Variants in NDUFA10 observed in about 807,000 individuals in gnomAD.
NDUFA10 encodes NADH:ubiquinone oxidoreductase subunit A10.
A neutral mutation model predicts 47.8 loss-of-function variants in NDUFA10; 40 were observed. The ratio of observed to expected loss-of-function variants is 0.84; its 90% CI spans 0.65 to 1.09. The LOEUF (loss-of-function observed/expected upper bound fraction) is 1.09, where lower values mean the gene tolerates loss of function less well. NDUFA10 is among the 50% of genes least tolerant of loss of function. The pLI, the probability that NDUFA10 is intolerant of heterozygous loss-of-function variation, is 0.00. For synonymous variants in NDUFA10, 183 were observed against 172.2 expected (o/e 1.06, Z -0.49); for missense variants, 413 against 451.1 (o/e 0.92, Z 0.76).
At chr2:239,894,064 C>T (rs1217313922) in intron 5 of NDUFA10, among the ~76,000 whole-genome samples, 1 of 144,960 alleles carries the variant, frequency 6.9e-6, no homozygotes, top group Non-Finnish European at 1.5e-5. Context: ...CAATCTCATT[C>T]CTCCCTGCCT....
chr2:240,006,605 A>T (rs1009304737), intron 7 of NDUFA10, among the ~76,000 whole-genome samples: 5 of 152,252 alleles, frequency 3.3e-5, no homozygotes, highest in African/African-American at 4.8e-5. Flanking sequence ...TGCTTAATAT[A>T]TAAAATACAA....
chr2:239,973,625 T>A (rs754467273), intron 9 of NDUFA10: 7 of 470,106 alleles, frequency 1.5e-5, no homozygotes, highest in South Asian at 1.1e-4. Context: ...CACAGTATCT[T>A]AACAGCATCT....
intron 8 of NDUFA10, among the ~76,000 whole-genome samples, chr2:239,996,508 T>C (rs1486136593): frequency 6.6e-6 from 1 of 152,206 alleles, no homozygotes; most frequent in African/African-American, 2.4e-5. Context: ...ATACAACTTA[T>C]CCACATTTGT....
At chr2:240,003,521 C>A (rs1208076551) in intron 8 of NDUFA10, among the ~76,000 whole-genome samples, 1 of 152,228 alleles carries the variant, frequency 6.6e-6, no homozygotes, top group African/African-American at 2.4e-5. Context: ...CGAGACTTAA[C>A]ACAAAAGGCA....
intron 8 of NDUFA10, among the ~76,000 whole-genome samples, chr2:240,003,748 C>A (rs1341951138): frequency 6.6e-6 from 1 of 152,136 alleles, no homozygotes; most frequent in Non-Finnish European, 1.5e-5. Flanking sequence ...GAGGCCTGTA[C>A]CAGGAACTGG....
chr2:239,985,026 T>TG (rs1325192332), intron 9 of NDUFA10, among the ~76,000 whole-genome samples: 3 of 152,216 alleles, frequency 2.0e-5, no homozygotes, highest in African/African-American at 7.2e-5. Context: ...GGACCTGCCC[T>TG]GACCTCCATG....
At chr2:240,002,411 G>C (rs1696764896) in intron 8 of NDUFA10, among the ~76,000 whole-genome samples, 1 of 151,012 alleles carries the variant, frequency 6.6e-6, no homozygotes, top group Non-Finnish European at 1.5e-5. Flanking sequence ...AGATTTGCTA[G>C]ATTCCTTTCA....
chr2:240,011,667 A>G lies in NDUFA10; in HGVS notation c.699T>C (p.Tyr233=), dbSNP rs1347851335. 2 of 1,613,678 alleles carry G rather than the reference A, an allele frequency of 1.2e-6. No homozygotes were observed. Among genetic ancestry groups the G allele is most frequent in the South Asian group, 1.1e-5 (1 of 91,060 alleles). ...TATAGGCATTCTCAATGTCCTGTAG[A>G]TAGGCAGAGGTGATCTTCATTTCAT... The part of the protein sequence containing the change: ...DPHEMKITSA[Y]LQDIENAYKK... The change falls in exon 6 of 10, where the codon TAT becomes TAC. Residue 233 remains tyrosine, a synonymous_variant. Transcript: ENST00000252711.
intron 9 of NDUFA10, among the ~76,000 whole-genome samples, chr2:239,968,679 G>A (rs1333511524): frequency 6.6e-6 from 1 of 152,212 alleles, no homozygotes; most frequent in Non-Finnish European, 1.5e-5. Flanking sequence ...AATCTGCACA[G>A]GGGACCCACT....
intron 4 of NDUFA10, among the ~76,000 whole-genome samples, chr2:239,895,913 C>T (rs1693386423): frequency 6.6e-6 from 1 of 152,198 alleles, no homozygotes; most frequent in South Asian, 2.1e-4. Context: ...GTGGCTTTTC[C>T]CGTCTTCTTT....
intron 9 of NDUFA10, among the ~76,000 whole-genome samples, chr2:239,966,321 A>G (rs1268090146): frequency 1.3e-5 from 2 of 152,214 alleles, no homozygotes; most frequent in Non-Finnish European, 2.9e-5. Context: ...TGGAGCCCAG[A>G]CATGGAGGAT....
chr2:240,000,726 T>TTA (rs1696674911), intron 8 of NDUFA10, among the ~76,000 whole-genome samples: 1 of 152,296 alleles, frequency 6.6e-6, no homozygotes, highest in South Asian at 2.1e-4. Flanking sequence ...TTTTCACCTT[T>TTA]TATACCATAT....
At position 239,895,523 on chromosome 2, in the gene NDUFA10, T is replaced by TA. The variant is rs1208886230; in HGVS notation, c.295-210dup. 5.9e-5 allele frequency among the ~76,000 whole-genome samples: 9 copies of TA among 152,218 alleles called. No individual in the cohort carries two copies. In the East Asian group the frequency reaches 1.5e-3, roughly 26 times the overall value. ...CAGGGAAAACTGCTCTTAACAGTGT[T>TA]AAAAAACAAAACTTTTCCTTTTCCT... On this transcript the variant is annotated intron_variant, in intron 4 of 5. Coordinates refer to the NDUFA10 transcript ENST00000419408.
intron 4 of NDUFA10, among the ~76,000 whole-genome samples, chr2:239,924,432 A>G (rs12991866): frequency 0.47 from 71,726 of 151,792 alleles, 17,909 homozygotes; most frequent in African/African-American, 0.66. Context: ...AAACAGGTAA[A>G]GAAGAAAAAC....
chr2:239,896,351 C>A (rs1168641367), intron 4 of NDUFA10, among the ~76,000 whole-genome samples: 1 of 152,222 alleles, frequency 6.6e-6, no homozygotes, highest in African/African-American at 2.4e-5. Context: ...CAGCACAGAG[C>A]CCTTCTTAAG....
chr2:239,933,945 ACATCTGGGCT>A, intron 4 of NDUFA10, among the ~76,000 whole-genome samples: 1 of 152,264 alleles, frequency 6.6e-6, no homozygotes, highest in Admixed American at 6.5e-5. Context: ...GCAGCCTTGA[ACATCTGGGCT>A]CAAGCAATCC....
intron 8 of NDUFA10, among the ~76,000 whole-genome samples, chr2:239,991,869 G>C (rs941420040): frequency 2.0e-5 from 3 of 152,178 alleles, no homozygotes; most frequent in African/African-American, 7.2e-5. Flanking sequence ...CAGTGGCCTG[G>C]ACCATGTGTA....
Position 239,922,167 on chromosome 2 carries a change from C to CTT in NDUFA10, c.295-26855_295-26854dup, listed in dbSNP as rs34180607. Among the ~76,000 whole-genome samples, 1,205 of 151,486 alleles carry CTT rather than the reference C, an allele frequency of 8.0e-3. 7 individuals are homozygous for CTT. Among genetic ancestry groups the CTT allele is most frequent in the Non-Finnish European group, 0.012 (839 of 67,920 alleles). On this transcript the variant is annotated intron_variant, in intron 4 of 5. Coordinates refer to the NDUFA10 transcript ENST00000419408. ...TTGCCCCTAAATGAGCTTTTCCTAC[C>CTT]TTGCTGCTAAATGTCCTGAGTGTCC...
At position 239,961,206 on chromosome 2, in the gene NDUFA10, T is replaced by C; in HGVS notation, c.1000-20A>G. On this transcript the variant is annotated intron_variant, in intron 9 of 9. Transcript: ENST00000252711. The stretch of plus-strand genomic sequence containing the variant: ...CGGCAGCTGTGGGGGAAAAAGGCAT[T>C]GGTGCATTCTGTTTAACGTGAATGA... 6.2e-7 allele frequency: 1 copy of C among 1,614,094 alleles called. No individual in the cohort carries two copies. The highest frequency in any genetic ancestry group is 8.5e-7 in the Non-Finnish European group (1 of 1,179,972).
Sources: gnomAD v4.1 joint callset for allele counts (sites outside exome capture counted in the v4.1 genomes callset) on GRCh38, gnomAD v4.1.1 for gene constraint, MANE v1.5 for transcripts, NCBI Gene and HGNC (gene_info 2026-07-23, HGNC 2026-07-21) for gene names.